Variants in SPHKAP observed in about 807,000 individuals in gnomAD.
SPHKAP encodes SPHK1 interactor, AKAP domain containing, also known as A-kinase anchor protein SPHKAP.
In SPHKAP, 67 loss-of-function variants were observed where a neutral mutation model predicts 137.5. The ratio of observed to expected loss-of-function variants is 0.49; its 90% CI spans 0.40 to 0.60. The LOEUF (loss-of-function observed/expected upper bound fraction) is 0.60, where lower values mean the gene tolerates loss of function less well. Among genes scored for constraint, SPHKAP ranks in the 20% least tolerant of loss-of-function variants. SPHKAP has a pLI of 0.00. For missense variants in SPHKAP, 2,097 were observed against 2,069.3 expected (o/e 1.01, Z -0.26); for synonymous variants, 813 against 785.3 (o/e 1.04, Z -0.59).
intron 3 of SPHKAP, among the ~76,000 whole-genome samples, chr2:228,041,455 G>A (rs1000096044): frequency 9.9e-5 from 15 of 151,920 alleles, no homozygotes; most frequent in African/African-American, 3.6e-4. Context: ...GACCAGCCTG[G>A]CCAACATGGC....
At position 228,018,515 on chromosome 2, in the gene SPHKAP, G is replaced by T. The variant is rs186338171; in HGVS notation, c.2339C>A (p.Thr780Lys). The T allele has an allele frequency of 3.7e-6, 6 of 1,614,038 alleles. No individual in the cohort carries two copies. In the African/African-American group the frequency reaches 8.0e-5, roughly 22 times the overall value. ...SSSPLSNSHNTSLVINNLVDG... is the reference protein window; with the variant it reads ...SSSPLSNSHNKSLVINNLVDG... ...CACAAGATTGTTGATGACAAGACTC[G>T]TGTTGTGTGAATTGCTAAGTGGAGA... The change falls in exon 7 of 12, where the codon ACG (threonine) becomes AAG (lysine). Residue 780 changes from threonine to lysine, a missense_variant. Physicochemically the swap from Thr to Lys is moderately conservative, Grantham distance 78. Transcript: ENST00000392056.
intron 1 of SPHKAP, among the ~76,000 whole-genome samples, chr2:228,134,257 G>C (rs1699365778): frequency 6.8e-6 from 1 of 147,254 alleles, no homozygotes; most frequent in Non-Finnish European, 1.5e-5. Context: ...AGGAAGGAAG[G>C]AAAGAAATAA....
intron 3 of SPHKAP, among the ~76,000 whole-genome samples, chr2:228,028,460 A>G (rs2106232669): frequency 6.6e-6 from 1 of 152,378 alleles, no homozygotes; most frequent in South Asian, 2.1e-4. Flanking sequence ...AATCTGAACA[A>G]CAGTGAAACA....
At chr2:228,060,464 C>T (rs1000936816) in intron 3 of SPHKAP, among the ~76,000 whole-genome samples, 4 of 152,032 alleles carry the variant, frequency 2.6e-5, no homozygotes, top group African/African-American at 9.7e-5. Context: ...CAGAAATTTC[C>T]ATTTGGTTTA....
intron 3 of SPHKAP, among the ~76,000 whole-genome samples, chr2:228,082,828 G>A (rs1305844240): frequency 6.6e-6 from 1 of 152,166 alleles, no homozygotes; most frequent in Non-Finnish European, 1.5e-5. Flanking sequence ...TCCACCTAAT[G>A]TGCTTAGGAG....
intron 1 of SPHKAP, among the ~76,000 whole-genome samples, chr2:228,157,386 T>A (rs1043720499): frequency 1.3e-5 from 2 of 152,184 alleles, no homozygotes; most frequent in Non-Finnish European, 2.9e-5. Flanking sequence ...GTAAATTACA[T>A]GTTTCCAGAG....
rs1257746472 is a variant in SPHKAP at position 228,025,390 on chromosome 2, T to C, written c.441+4A>G. 2 of 1,613,588 alleles carry C rather than the reference T, an allele frequency of 1.2e-6. No individual in the cohort carries two copies. The highest frequency in any genetic ancestry group is 1.3e-5 in the African/African-American group (1 of 74,920). On this transcript the variant is annotated splice_donor_region_variant and intron_variant, in intron 5 of 11. Transcript: ENST00000392056. ...AAATGGCTTATCAAGAACTTATGTC[T>C]TACCTGTGAAACTTCAAAATCTGCC...
chr2:228,162,769 G>A (rs939984740), intron 1 of SPHKAP, among the ~76,000 whole-genome samples: 2 of 152,020 alleles, frequency 1.3e-5, no homozygotes, highest in Non-Finnish European at 2.9e-5. Context: ...CGCAATCTTG[G>A]CTCACAGCCA....
At chr2:227,993,134 G>C (rs541526456) in intron 9 of SPHKAP, among the ~76,000 whole-genome samples, 1 of 152,092 alleles carries the variant, frequency 6.6e-6, no homozygotes, top group East Asian at 1.9e-4. Flanking sequence ...ATAATCCCAG[G>C]TTTCTACATG....
intron 3 of SPHKAP, among the ~76,000 whole-genome samples, chr2:228,031,733 C>G (rs114445288): frequency 2.0e-5 from 3 of 152,104 alleles, no homozygotes; most frequent in Non-Finnish European, 2.9e-5. Flanking sequence ...CTACAGCCAC[C>G]GCTGTTCTGT....
chr2:228,153,974 C>T (rs1315740991), intron 1 of SPHKAP, among the ~76,000 whole-genome samples: 1 of 152,038 alleles, frequency 6.6e-6, no homozygotes, highest in African/African-American at 2.4e-5. Context: ...CAGAAAGAAT[C>T]AGAAGTAGTT....
chr2:228,048,327 C>T lies in SPHKAP; in HGVS notation c.247-20784G>A, dbSNP rs573701684. ...TTGAGTTTAGCAGGTTATCTGAATA[C>T]CTTTTGGTGAAACGGGGGGGTGGAG... On this transcript the variant is annotated intron_variant, in intron 3 of 11. Coordinates refer to ENST00000392056, the MANE Select transcript of SPHKAP (RefSeq NM_001142644.2). 2.9e-4 allele frequency among the ~76,000 whole-genome samples: 42 copies of T among 142,728 alleles called. No homozygotes were observed. The South Asian group carries it at 8.9e-3, about 30-fold the overall frequency. The allele number at this position is 142,728 out of a possible 152,430, so 93.6% of individuals were successfully genotyped here.
At chr2:228,113,603 A>ATCTCTCTCTCTCTCTCTCTCTTTC (rs1698590982) in intron 2 of SPHKAP, among the ~76,000 whole-genome samples, 1 of 97,948 alleles carries the variant, frequency 1.0e-5, no homozygotes, top group Admixed American at 1.2e-4. Context: ...GCATTTAGCC[A>ATCTCTCTCTCTCTCTCTCTCTTTC]TCTCTCTCTC....
chr2:228,135,703 A>C (rs1282192493), intron 1 of SPHKAP, among the ~76,000 whole-genome samples: 1 of 152,208 alleles, frequency 6.6e-6, no homozygotes. Flanking sequence ...GTATAGCATT[A>C]ATAAATAAAT....
intron 3 of SPHKAP, among the ~76,000 whole-genome samples, chr2:228,091,038 A>G (rs1245307324): frequency 2.6e-5 from 4 of 152,218 alleles, no homozygotes; most frequent in African/African-American, 7.2e-5. Context: ...AGCTAGAGTA[A>G]ACAGTCCAAT....
intron 2 of SPHKAP, among the ~76,000 whole-genome samples, chr2:228,131,486 CTT>C (rs35512181): frequency 2.1e-5 from 3 of 144,484 alleles, no homozygotes; most frequent in African/African-American, 2.5e-5. Flanking sequence ...AGCATAGTTT[CTT>C]TTTTTTTTTT....
intron 1 of SPHKAP, among the ~76,000 whole-genome samples, chr2:228,162,402 C>G (rs562480432): frequency 1.3e-5 from 2 of 152,128 alleles, no homozygotes; most frequent in Non-Finnish European, 2.9e-5. Flanking sequence ...TCTAACTGGC[C>G]AAATCAAGTG....
In SPHKAP at chr2:228,018,595, T is replaced by G; in HGVS notation, c.2259A>C (p.Pro753=). The part of the protein sequence containing the change: ...RRRETEPSCQ[P]SDPGASQAWT... ...AAGCTTGACTAGCACCCGGATCAGA[T>G]GGCTGGCAGCTTGGTTCTGTCTCCC... The change falls in exon 7 of 12, where the codon CCA becomes CCC. Residue 753 remains proline (P), a synonymous_variant. Coordinates refer to ENST00000392056, the MANE Select transcript of SPHKAP (RefSeq NM_001142644.2). 6.2e-7 allele frequency: 1 copy of G among 1,614,060 alleles called. No individual in the cohort carries two copies. Among genetic ancestry groups the G allele is most frequent in the Non-Finnish European group, 8.5e-7 (1 of 1,179,952 alleles).
intron 2 of SPHKAP, chr2:228,131,705 T>C (rs1331817945): frequency 2.5e-6 from 2 of 788,102 alleles, no homozygotes; most frequent in East Asian, 1.3e-4. Context: ...GAAACTGTTA[T>C]TCATGGCTAA....
Sources: allele counts gnomAD v4.1 joint callset (sites outside exome capture counted in the v4.1 genomes callset), GRCh38; gene constraint gnomAD v4.1.1; transcripts MANE v1.5; gene names NCBI Gene and HGNC (gene_info 2026-07-23, HGNC 2026-07-21).